The following SCP2 variants were observed in gnomAD, a reference collection of about 807,000 sequenced individuals.
SCP2 encodes the protein SCP-2/3-oxoacyl-CoA thiolase.
A neutral mutation model predicts 71.4 loss-of-function variants in SCP2; 48 were observed. That is an observed-to-expected ratio of 0.67 (90% CI 0.53 to 0.86). SCP2 has a LOEUF of 0.86. SCP2 is among the 40% of genes least tolerant of loss of function. The probability of loss-of-function intolerance (pLI) is 0.00; values close to 1 mark genes in which losing one functional copy is unlikely to be tolerated. For synonymous variants in SCP2, 220 were observed against 218.1 expected (o/e 1.01, Z -0.08); for missense variants, 560 against 655.6 (o/e 0.85, Z 1.59).
chr1:53,021,616 G>A (rs1256377100), intron 12 of SCP2, among the ~76,000 whole-genome samples: 2 of 149,808 alleles, frequency 1.3e-5, no homozygotes, highest in Admixed American at 6.7e-5. Flanking sequence ...CACCGAGCTC[G>A]GGCTTTTTCT....
At chr1:53,025,595 C>G (rs1400443894) in intron 12 of SCP2, among the ~76,000 whole-genome samples, 1 of 152,148 alleles carries the variant, frequency 6.6e-6, no homozygotes, top group African/African-American at 2.4e-5. Flanking sequence ...CTTGCCCTTT[C>G]CTCTTTGTAT....
At chr1:52,974,270 C>A (rs35121754) in intron 6 of SCP2, among the ~76,000 whole-genome samples, 1 of 151,792 alleles carries the variant, frequency 6.6e-6, no homozygotes, top group Admixed American at 6.6e-5. Context: ...TTTAAATTTT[C>A]TGTTAAGGAA....
chr1:53,038,883 C>T (rs1461943733), intron 13 of SCP2, 34 bp from the exon 14 acceptor site: 1 of 1,612,520 alleles, frequency 6.2e-7, no homozygotes, highest in East Asian at 2.2e-5. Context: ...GAGAAATGGA[C>T]TTAATGTAAC....
intron 12 of SCP2, among the ~76,000 whole-genome samples, chr1:53,027,439 A>G (rs953945630): frequency 5.3e-5 from 8 of 152,154 alleles, no homozygotes; most frequent in African/African-American, 1.9e-4. Context: ...GGTTTACTGT[A>G]TTTTCAAGAA....
chr1:53,003,149 G>A (rs1660425899), intron 11 of SCP2, among the ~76,000 whole-genome samples: 1 of 152,188 alleles, frequency 6.6e-6, no homozygotes, highest in African/African-American at 2.4e-5. Context: ...AGGAGATGGT[G>A]TCTACTCTAG....
intron 11 of SCP2, among the ~76,000 whole-genome samples, chr1:53,000,645 C>T (rs954210892): frequency 1.3e-5 from 2 of 152,136 alleles, no homozygotes. Flanking sequence ...AATTCGGAGC[C>T]TCCTGAAGCT....
intron 6 of SCP2, among the ~76,000 whole-genome samples, 194 bp downstream of exon 6, chr1:52,961,823 G>A (rs1199292340): frequency 6.6e-6 from 1 of 152,076 alleles, no homozygotes; most frequent in Non-Finnish European, 1.5e-5. Flanking sequence ...ACTATGGTAT[G>A]GGAAGTACCT....
chr1:52,993,763 A>G (rs1263558046), intron 11 of SCP2: 1 of 1,592,908 alleles, frequency 6.3e-7, no homozygotes, highest in Non-Finnish European at 8.5e-7. Flanking sequence ...TGCCTCCTCA[A>G]TAATATTCCC....
At chr1:52,943,800 C>G in intron 2 of SCP2, 1 of 459,202 alleles carries the variant, frequency 2.2e-6, no homozygotes, top group South Asian at 1.8e-5. Flanking sequence ...GCCACAGTAC[C>G]AGGCCTGTAA....
chr1:52,993,383 C>T lies in SCP2; in HGVS notation c.1081+5247C>T, dbSNP rs182127561. 1.7e-3 allele frequency: 2,677 copies of T among 1,614,162 alleles called. 19 individuals are homozygous for T. The highest frequency in any genetic ancestry group is 2.0e-3 in the East Asian group (92 of 44,890). On this transcript the variant is annotated intron_variant, in intron 11 of 15. Coordinates refer to ENST00000371514, the MANE Select transcript of SCP2 (RefSeq NM_002979.5). ...TACCTTAAGTTGCCGTGCTAACTGC[C>T]GTCCTTCTTCCTGTGTTACCTGTCT...
chr1:53,022,813 ATTG>A (rs1432132423), intron 12 of SCP2, among the ~76,000 whole-genome samples: 1 of 152,146 alleles, frequency 6.6e-6, no homozygotes, highest in African/African-American at 2.4e-5. Flanking sequence ...AGTCTTTGAC[ATTG>A]TTGTAGCAGA....
intron 11 of SCP2, among the ~76,000 whole-genome samples, chr1:53,003,470 T>C (rs1660446906): frequency 6.6e-6 from 1 of 152,194 alleles, no homozygotes. Context: ...TCTGCCCATG[T>C]TGGCTTTCCA....
intron 10 of SCP2, among the ~76,000 whole-genome samples, chr1:52,983,014 T>C (rs1283461108): frequency 2.6e-5 from 4 of 152,242 alleles, no homozygotes; most frequent in Non-Finnish European, 5.9e-5. Context: ...GTAGCATTTT[T>C]TATAAAGCAG....
intron 11 of SCP2, among the ~76,000 whole-genome samples, chr1:53,011,464 G>A (rs770297719): frequency 6.6e-6 from 1 of 152,140 alleles, no homozygotes; most frequent in Admixed American, 6.5e-5. Flanking sequence ...ATACATGTTC[G>A]AATGGTTTAT....
intron 13 of SCP2, among the ~76,000 whole-genome samples, chr1:53,031,957 A>T (rs779554982): frequency 5.3e-5 from 8 of 152,188 alleles, no homozygotes; most frequent in Non-Finnish European, 1.2e-4. Context: ...TTCCTGAGGC[A>T]CTGTGCAAGC....
At chr1:52,982,400 C>T (rs966759180) in intron 10 of SCP2, among the ~76,000 whole-genome samples, 1 of 152,098 alleles carries the variant, frequency 6.6e-6, no homozygotes, top group African/African-American at 2.4e-5. Flanking sequence ...GAAACCCCCT[C>T]TCTACTAAAA....
At chr1:52,968,502 A>G (rs1252044891) in intron 6 of SCP2, among the ~76,000 whole-genome samples, 1 of 152,156 alleles carries the variant, frequency 6.6e-6, no homozygotes, top group Non-Finnish European at 1.5e-5. Flanking sequence ...TTATTGAGGT[A>G]TAATTCTTAT....
At chr1:52,994,635 C>T in intron 11 of SCP2, 1 of 454,488 alleles carries the variant, frequency 2.2e-6, no homozygotes, top group Admixed American at 3.1e-5. Context: ...TCCATCCTTT[C>T]AGCCTGCAAC....
At chr1:53,034,524 A>C (rs1233062569) in intron 13 of SCP2, among the ~76,000 whole-genome samples, 2 of 152,192 alleles carry the variant, frequency 1.3e-5, no homozygotes, top group Non-Finnish European at 2.9e-5. Context: ...CTAAAATTAG[A>C]TAGTGGTTTT....
Sources: gnomAD v4.1 joint callset for allele counts (sites outside exome capture counted in the v4.1 genomes callset) on GRCh38, gnomAD v4.1.1 for gene constraint, MANE v1.5 for transcripts, NCBI Gene and HGNC (gene_info 2026-07-23, HGNC 2026-07-21) for gene names.